The following EFNA5 variants were observed in gnomAD, a reference collection of about 807,000 sequenced individuals.
EFNA5 encodes the protein ephrin A5, also known as ephrin-A5.
In EFNA5, 5 loss-of-function variants were observed where a neutral mutation model predicts 22.9. The observed-to-expected ratio is 0.22, with a 90% CI of 0.11 to 0.46. The LOEUF (loss-of-function observed/expected upper bound fraction) is 0.46, where lower values mean the gene tolerates loss of function less well. EFNA5 is among the 20% of genes least tolerant of loss of function. The pLI is 0.99. For missense variants in EFNA5, 237 were observed against 293.3 expected, an observed-to-expected ratio of 0.81 and a Z score of 1.40; for synonymous variants, 113 against 112.2, an observed-to-expected ratio of 1.01 and a Z score of -0.04.
intron 1 of EFNA5, among the ~76,000 whole-genome samples, chr5:107,580,019 CT>C (rs1749009663): frequency 2.6e-5 from 4 of 152,216 alleles, no homozygotes; most frequent in East Asian, 1.9e-4. Flanking sequence ...ATTTTATATG[CT>C]TTGGGTGAGA....
intron 1 of EFNA5, among the ~76,000 whole-genome samples, chr5:107,666,179 G>T: frequency 6.6e-6 from 1 of 152,080 alleles, no homozygotes; most frequent in East Asian, 1.9e-4. Flanking sequence ...AAACCATGCT[G>T]ATTTCATTTA....
At position 107,482,832 on chromosome 5, in the gene EFNA5, G is replaced by GCC. The variant is rs1750513094; in HGVS notation, c.126-55324_126-55323insGG. 1.6e-4 allele frequency among the ~76,000 whole-genome samples: 15 copies of GCC among 94,066 alleles called. 1 individual carries two copies. The South Asian group carries it at 6.1e-3, about 38-fold the overall frequency. 61.7% of individuals were successfully genotyped at this position (94,066 alleles called of 152,430 possible). Reference sequence around the variant, plus strand: ...TCTCTCTGTCTCTCTCTCTGTCTCTGTCTCTCTCTCTCTCTCTCTCTCTCT... The same window carrying GCC: ...TCTCTCTGTCTCTCTCTCTGTCTCTGCCTCTCTCTCTCTCTCTCTCTCTCTCT... On this transcript the variant is annotated intron_variant, in intron 1 of 4. Transcript: ENST00000333274.
intron 1 of EFNA5, among the ~76,000 whole-genome samples, chr5:107,533,245 C>T (rs964340179): frequency 6.6e-6 from 1 of 152,124 alleles, no homozygotes; most frequent in African/African-American, 2.4e-5. Flanking sequence ...TCACTGCTCT[C>T]GATATGAAGC....
chr5:107,431,367 C>A (rs1748952774), intron 1 of EFNA5, among the ~76,000 whole-genome samples: 2 of 152,178 alleles, frequency 1.3e-5, no homozygotes, highest in Non-Finnish European at 2.9e-5. Context: ...AAATCATGTT[C>A]TCTGGGTATA....
At chr5:107,508,089 C>G (rs1747289070) in intron 1 of EFNA5, among the ~76,000 whole-genome samples, 1 of 152,178 alleles carries the variant, frequency 6.6e-6, no homozygotes, top group South Asian at 2.1e-4. Context: ...CCAAAAGTTT[C>G]TCCCATCATC....
At chr5:107,426,990 A>G (rs971143441) in intron 2 of EFNA5, 1 of 516,632 alleles carries the variant, frequency 1.9e-6, no homozygotes, top group East Asian at 3.2e-5. Context: ...GCAGTGGTTC[A>G]GTGAACAGGC....
intron 1 of EFNA5, among the ~76,000 whole-genome samples, chr5:107,487,672 G>C (rs541512313): frequency 6.6e-6 from 1 of 152,298 alleles, no homozygotes; most frequent in East Asian, 1.9e-4. Context: ...TTCATGAGCA[G>C]CAAAATGATA....
rs1269820803 is a variant in EFNA5 at position 107,387,755 on chromosome 5, A to G, written c.435T>C (p.Asp145=). 2 of 1,613,006 alleles carry G rather than the reference A, an allele frequency of 1.2e-6. No individual in the cohort carries two copies. Among genetic ancestry groups the G allele is most frequent in the Non-Finnish European group, 1.7e-6 (2 of 1,179,246 alleles). Residue 145 remains aspartate (D), a synonymous_variant, in exon 3 of 5, where the codon GAT becomes GAC. Coordinates refer to ENST00000333274, the MANE Select transcript of EFNA5 (RefSeq NM_001962.3). ...EYFYISSAIP[D]NGRRSCLKLK... ...GCTTTAGACAGGACCTTCTTCCATTATCTGGGATTGCAGAGGCTGTGGGTA... is the reference window on the plus strand; with the variant it reads ...GCTTTAGACAGGACCTTCTTCCATTGTCTGGGATTGCAGAGGCTGTGGGTA...
intron 2 of EFNA5, among the ~76,000 whole-genome samples, chr5:107,388,887 C>T (rs252817): frequency 0.52 from 78,998 of 151,908 alleles, 21,892 homozygotes; most frequent in Non-Finnish European, 0.63. Context: ...TAAATTATTC[C>T]TCATGGGGAG....
intron 1 of EFNA5, among the ~76,000 whole-genome samples, chr5:107,486,806 C>A (rs1377413641): frequency 6.6e-6 from 1 of 152,192 alleles, no homozygotes. Context: ...TTTGTTACTG[C>A]AGCACAATAT....
chr5:107,492,255 TA>T (rs909844098), intron 1 of EFNA5, among the ~76,000 whole-genome samples: 7 of 152,048 alleles, frequency 4.6e-5, no homozygotes, highest in East Asian at 1.9e-4. Flanking sequence ...ATCTAACCTT[TA>T]AAAAAAATAT....
intron 1 of EFNA5, among the ~76,000 whole-genome samples, chr5:107,656,207 T>C (rs1372225126): frequency 2.0e-5 from 3 of 152,094 alleles, no homozygotes; most frequent in East Asian, 3.8e-4. Flanking sequence ...GAAGAAACAA[T>C]ATAGCAGAGA....
Position 107,414,455 on chromosome 5 carries a change from A to G in EFNA5, c.418+12762T>C, listed in dbSNP as rs150491495. 3.6e-4 allele frequency among the ~76,000 whole-genome samples: 55 copies of G among 152,308 alleles called. 1 individual carries two copies. Among genetic ancestry groups the G allele is most frequent in the African/African-American group, 1.3e-3 (54 of 41,582 alleles). ...TGTGAGCTCCTAGAGGACAAAAATC[A>G]TATTGAATACTTTCTCCACACTGTC... On this transcript the variant is annotated intron_variant, in intron 2 of 4. Coordinates refer to ENST00000333274, the MANE Select transcript of EFNA5 (RefSeq NM_001962.3).
chr5:107,503,480 T>C (rs1167535819), intron 1 of EFNA5, among the ~76,000 whole-genome samples: 1 of 152,226 alleles, frequency 6.6e-6, no homozygotes, highest in African/African-American at 2.4e-5. Flanking sequence ...CCTCGCTGTT[T>C]TCAATCATTC....
At chr5:107,395,960 C>A (rs540859142) in intron 2 of EFNA5, among the ~76,000 whole-genome samples, 1 of 152,230 alleles carries the variant, frequency 6.6e-6, no homozygotes, top group African/African-American at 2.4e-5. Flanking sequence ...TGTGTGATAC[C>A]CTATGAGGGT....
intron 4 of EFNA5, among the ~76,000 whole-genome samples, chr5:107,383,660 T>G (rs763383446): frequency 2.0e-5 from 3 of 152,190 alleles, no homozygotes; most frequent in Admixed American, 6.5e-5. Context: ...TCTCCTTGTA[T>G]AGCTTGCAAG....
rs570693715 is a variant in EFNA5 at position 107,418,799 on chromosome 5, C to T, written c.418+8418G>A. On this transcript the variant is annotated intron_variant, in intron 2 of 4. Coordinates refer to ENST00000333274, the MANE Select transcript of EFNA5 (RefSeq NM_001962.3). ...CTTTTGCAAACTTTCAAGATGGTCC[C>T]AATGTAAAAATCTATTAAGCGGTGA... Among the ~76,000 whole-genome samples the T allele has an allele frequency of 4.9e-4, 74 of 152,196 alleles. 1 individual carries two copies. Among genetic ancestry groups the T allele is most frequent in the Middle Eastern group, 3.4e-3 (1 of 294 alleles).
intron 1 of EFNA5, among the ~76,000 whole-genome samples, chr5:107,640,889 G>C (rs1045073754): frequency 6.6e-6 from 1 of 151,974 alleles, no homozygotes; most frequent in Non-Finnish European, 1.5e-5. Context: ...GGAGCCAGTG[G>C]GTATACCCAA....
chr5:107,415,598 C>A (rs934535997), intron 2 of EFNA5, among the ~76,000 whole-genome samples: 1 of 152,158 alleles, frequency 6.6e-6, no homozygotes, highest in Non-Finnish European at 1.5e-5. Flanking sequence ...CCCTCATGAA[C>A]CAGTGCCAAG....
Sources: allele counts gnomAD v4.1 joint callset (sites outside exome capture counted in the v4.1 genomes callset), GRCh38; gene constraint gnomAD v4.1.1; transcripts MANE v1.5; gene names NCBI Gene and HGNC (gene_info 2026-07-23, HGNC 2026-07-21).